Variants in STXBP5 observed in about 807,000 individuals in gnomAD.
The protein encoded by STXBP5 is syntaxin-binding protein 5.
Under a neutral mutation model 152.4 loss-of-function variants are expected in STXBP5, and 50 were observed. That is an observed-to-expected ratio of 0.33 (90% CI 0.26 to 0.42). The LOEUF (loss-of-function observed/expected upper bound fraction) is 0.42, where lower values mean the gene tolerates loss of function less well. Among genes scored for constraint, STXBP5 ranks in the 10% least tolerant of loss-of-function variants. The pLI is 1.00. For missense variants in STXBP5, 1,167 were observed against 1,388.6 expected (o/e 0.84, Z 2.54); for synonymous variants, 492 against 494.7 (o/e 0.99, Z 0.07).
chr6:147,241,930 A>G (rs1778565809), intron 4 of STXBP5, among the ~76,000 whole-genome samples: 1 of 152,218 alleles, frequency 6.6e-6, no homozygotes, highest in Non-Finnish European at 1.5e-5. Flanking sequence ...TATATTTATT[A>G]GAATACACAT....
intron 2 of STXBP5, among the ~76,000 whole-genome samples, chr6:147,230,929 T>C (rs902006998): frequency 6.6e-6 from 1 of 151,802 alleles, no homozygotes; most frequent in African/African-American, 2.4e-5. Context: ...AATCTCAGCT[T>C]CCGTGATGAT....
At chr6:147,257,070 T>A (rs1779404407) in intron 4 of STXBP5, among the ~76,000 whole-genome samples, 1 of 151,994 alleles carries the variant, frequency 6.6e-6, no homozygotes, top group African/African-American at 2.4e-5. Context: ...TATAGATATC[T>A]TAAATTCCTT....
chr6:147,231,751 T>G (rs1778017555), intron 2 of STXBP5, among the ~76,000 whole-genome samples: 1 of 151,888 alleles, frequency 6.6e-6, no homozygotes, highest in South Asian at 2.1e-4. Flanking sequence ...TTTTTTTCAT[T>G]TAATTGTGAA....
intron 26 of STXBP5, among the ~76,000 whole-genome samples, chr6:147,376,372 G>A (rs921882105): frequency 1.3e-5 from 2 of 151,990 alleles, no homozygotes; most frequent in South Asian, 2.1e-4. Context: ...CAGTCATTCC[G>A]AAACAAAGCA....
At chr6:147,328,796 G>T (rs1439702612) in intron 18 of STXBP5, 1 of 468,932 alleles carries the variant, frequency 2.1e-6, no homozygotes, top group South Asian at 1.6e-5. Context: ...AGTCATTTAT[G>T]CCTTGGCATG....
chr6:147,322,786 A>T (rs1316908723), intron 16 of STXBP5, among the ~76,000 whole-genome samples: 1 of 152,214 alleles, frequency 6.6e-6, no homozygotes, highest in Non-Finnish European at 1.5e-5. Context: ...AATTGTTCAC[A>T]TTTTTTAAAA....
chr6:147,270,538 T>C (rs1017206522), intron 7 of STXBP5, among the ~76,000 whole-genome samples: 8 of 151,774 alleles, frequency 5.3e-5, no homozygotes, highest in Admixed American at 5.2e-4. Flanking sequence ...ATTTTTTTTT[T>C]CAAAAATAAA....
chr6:147,379,302 A>G (rs763884397), intron 26 of STXBP5, among the ~76,000 whole-genome samples: 1 of 152,126 alleles, frequency 6.6e-6, no homozygotes, highest in Non-Finnish European at 1.5e-5. Context: ...TACTCTGCCT[A>G]TCACCCATAG....
At chr6:147,232,908 A>G (rs544851792) in intron 2 of STXBP5, among the ~76,000 whole-genome samples, 1 of 151,964 alleles carries the variant, frequency 6.6e-6, no homozygotes, top group East Asian at 1.9e-4. Context: ...CTGAATTTAT[A>G]GACATTTTTC....
chr6:147,335,981 T>A (rs1783807677), intron 19 of STXBP5, among the ~76,000 whole-genome samples: 2 of 152,202 alleles, frequency 1.3e-5, no homozygotes, highest in South Asian at 4.1e-4. Context: ...TCTCAGCATG[T>A]TTGAAATGCA....
intron 18 of STXBP5, among the ~76,000 whole-genome samples, chr6:147,327,650 C>T (rs1474239898): frequency 6.6e-6 from 1 of 152,052 alleles, no homozygotes; most frequent in Non-Finnish European, 1.5e-5. Context: ...GTCATGTTGC[C>T]CAGGTTGGTG....
At chr6:147,246,334 T>A (rs529125148) in intron 4 of STXBP5, among the ~76,000 whole-genome samples, 1 of 152,348 alleles carries the variant, frequency 6.6e-6, no homozygotes, top group East Asian at 1.9e-4. Context: ...TGCATAAGTT[T>A]ATAACTAATG....
chr6:147,310,081 C>A lies in STXBP5; in HGVS notation c.918-3C>A. 2 of 1,515,816 alleles carry A rather than the reference C, an allele frequency of 1.3e-6. No individual in the cohort carries two copies. Among genetic ancestry groups the A allele is most frequent in the Non-Finnish European group, 8.8e-7 (1 of 1,135,192 alleles). The allele number at this position is 1,515,816 out of a possible 1,614,324, so 93.9% of individuals were successfully genotyped here. On this transcript the variant is annotated splice_polypyrimidine_tract_variant and splice_region_variant and intron_variant, in intron 9 of 27. Coordinates refer to ENST00000321680, the MANE Select transcript of STXBP5 (RefSeq NM_001127715.4). ...ATAATCTTAATATGTATTTTATTTC[C>A]AGGGAGCCTTTTATTATTTTATCAG...
chr6:147,235,674 TG>T (rs1201136580), intron 3 of STXBP5, among the ~76,000 whole-genome samples: 2 of 151,952 alleles, frequency 1.3e-5, no homozygotes, highest in African/African-American at 4.8e-5. Context: ...AATCAAAGAG[TG>T]TGCTTCTTTA....
At chr6:147,302,995 C>G (rs185507224) in intron 9 of STXBP5, among the ~76,000 whole-genome samples, 49 of 151,958 alleles carry the variant, frequency 3.2e-4, no homozygotes, top group Non-Finnish European at 6.3e-4. Context: ...AATGAATTTC[C>G]CATGGTGAAA....
intron 4 of STXBP5, among the ~76,000 whole-genome samples, chr6:147,254,481 GA>G (rs1779257606): frequency 6.6e-6 from 1 of 152,136 alleles, no homozygotes. Context: ...CAGAGCAAAA[GA>G]AACTGTCATC....
chr6:147,309,311 C>G (rs1476830269), intron 9 of STXBP5, among the ~76,000 whole-genome samples: 1 of 152,026 alleles, frequency 6.6e-6, no homozygotes, highest in Non-Finnish European at 1.5e-5. Context: ...TTTAATTCAT[C>G]TGTATAATGT....
intron 9 of STXBP5, among the ~76,000 whole-genome samples, chr6:147,302,640 C>A (rs545720538): frequency 1.3e-5 from 2 of 152,098 alleles, no homozygotes; most frequent in South Asian, 4.2e-4. Context: ...TATGGTGAAA[C>A]CCCGACTCTC....
At position 147,364,233 on chromosome 6, in the gene STXBP5, T is replaced by C. The variant is rs1785193947; in HGVS notation, c.3081+67T>C. 2.2e-6 allele frequency: 3 copies of C among 1,393,608 alleles called. No individual in the cohort carries two copies. In the South Asian group the frequency reaches 3.9e-5, roughly 18 times the overall value. The allele number at this position is 1,393,608 out of a possible 1,614,324, so 86.3% of individuals were successfully genotyped here. On this transcript the variant is annotated intron_variant, in intron 25 of 27. Coordinates refer to ENST00000321680, the MANE Select transcript of STXBP5 (RefSeq NM_001127715.4). ...GTATTCTCTGAGGGCCCGTATACTG[T>C]CTGCCCCTTATTCTCATGGAACTAT...
Sources: allele counts gnomAD v4.1 joint callset (sites outside exome capture counted in the v4.1 genomes callset), GRCh38; gene constraint gnomAD v4.1.1; transcripts MANE v1.5; gene names NCBI Gene and HGNC (gene_info 2026-07-23, HGNC 2026-07-21).